The following LRP1B variants were observed in gnomAD, a reference collection of about 807,000 sequenced individuals.
LRP1B encodes LDL receptor related protein 1B, also known as low-density lipoprotein receptor-related protein 1B.
In LRP1B, 217 loss-of-function variants were observed where a neutral mutation model predicts 556.6. The ratio of observed to expected loss-of-function variants is 0.39; its 90% confidence interval spans 0.35 to 0.44. The LOEUF (loss-of-function observed/expected upper bound fraction) is 0.44, where lower values mean the gene tolerates loss of function less well. Among genes scored for constraint, LRP1B ranks in the 20% least tolerant of loss-of-function variants. The probability of loss-of-function intolerance (pLI) is 1.00; values close to 1 mark genes in which losing one functional copy is unlikely to be tolerated. For missense variants in LRP1B, 5,053 were observed against 5,620.8 expected, an observed-to-expected ratio of 0.90 and a Z score of 3.23; for synonymous variants, 2,047 against 1,865.8, an observed-to-expected ratio of 1.10 and a Z score of -2.50.
chr2:141,703,374 C>T (rs1457078147), intron 2 of LRP1B, among the ~76,000 whole-genome samples: 3 of 151,880 alleles, frequency 2.0e-5, no homozygotes, highest in Non-Finnish European at 4.4e-5. Flanking sequence ...AATTAAAAGG[C>T]AATGGTTAAT....
Position 140,373,121 on chromosome 2 carries a change from C to T in LRP1B, c.10655G>A (p.Ser3552Asn). Reference protein sequence around the residue: ...DGSDERNCETSCSKDQFRCSN... With the variant: ...DGSDERNCETNCSKDQFRCSN... ...ACACCGGAACTGATCTTTGGAACAA[C>T]TTGTCTCACAATTTCTCTATGAAAA... The change falls in exon 69 of 91, where the codon AGT (serine) becomes AAT (asparagine). Residue 3552 changes from serine (S) to asparagine (N), a missense_variant. Ser to Asn is a conservative substitution (Grantham distance 46). Around this residue, in one of 5 missense-constraint regions of LRP1B, gnomAD observed 599 missense variants for 648.4 expected, o/e 0.92. Transcript: ENST00000389484. 6.2e-7 allele frequency: 1 copy of T among 1,613,026 alleles called. No individual in the cohort carries two copies. Among genetic ancestry groups the T allele is most frequent in the Non-Finnish European group, 8.5e-7 (1 of 1,179,416 alleles).
intron 23 of LRP1B, among the ~76,000 whole-genome samples, chr2:140,891,824 A>T (rs1223237117): frequency 6.6e-6 from 1 of 152,130 alleles, no homozygotes. Flanking sequence ...GTCTCTTGAC[A>T]TTTTTTTAAG....
At chr2:141,873,424 A>G (rs1698652821) in intron 1 of LRP1B, among the ~76,000 whole-genome samples, 4 of 152,054 alleles carry the variant, frequency 2.6e-5, no homozygotes, top group Admixed American at 2.6e-4. Context: ...CAAATGAGGT[A>G]AAAGCATTGC....
chr2:140,408,220 G>A (rs113102165), intron 66 of LRP1B, among the ~76,000 whole-genome samples: 1,796 of 151,636 alleles, frequency 0.012, 39 homozygotes, highest in African/African-American at 0.042. Context: ...CTACATATAG[G>A]GTACAGTGTA....
chr2:142,072,048 A>G (rs74841354), intron 1 of LRP1B, among the ~76,000 whole-genome samples: 1 of 152,062 alleles, frequency 6.6e-6, no homozygotes, highest in East Asian at 1.9e-4. Context: ...ATGCCCGAAT[A>G]AGTACTGACA....
chr2:140,866,408 T>G (rs1692952357), intron 27 of LRP1B, among the ~76,000 whole-genome samples: 4 of 152,216 alleles, frequency 2.6e-5, no homozygotes, highest in South Asian at 4.1e-4. Context: ...CAAAAATGAC[T>G]AATCTATATA....
At chr2:141,587,634 C>T (rs1382704432) in intron 2 of LRP1B, among the ~76,000 whole-genome samples, 1 of 152,138 alleles carries the variant, frequency 6.6e-6, no homozygotes, top group Non-Finnish European at 1.5e-5. Context: ...AAAATGCCTC[C>T]ACATTCTTCT....
At chr2:141,911,906 T>G (rs1458240213) in intron 1 of LRP1B, among the ~76,000 whole-genome samples, 3 of 152,082 alleles carry the variant, frequency 2.0e-5, no homozygotes, top group Non-Finnish European at 2.9e-5. Context: ...AATTTTTCCT[T>G]GATTGGCTCC....
At chr2:141,083,817 G>A (rs1193063565) in intron 7 of LRP1B, among the ~76,000 whole-genome samples, 6 of 152,020 alleles carry the variant, frequency 3.9e-5, no homozygotes, top group Non-Finnish European at 8.8e-5. Context: ...TTGGCAAGAG[G>A]GCCCTCACCA....
rs182175754 is a variant in LRP1B at position 141,397,785 on chromosome 2, A to G, written c.343+82611T>C. On this transcript the variant is annotated intron_variant, in intron 3 of 90. Transcript: ENST00000389484. ...AGGCTGGTGGTAAAAATTTATATGT[A>G]TATATACATTTTTATATACAATTAT... is the stretch of plus-strand genomic sequence containing the variant. Among the ~76,000 whole-genome samples the G allele has an allele frequency of 2.5e-3, 372 of 150,912 alleles. 2 individuals carry two copies. Among genetic ancestry groups the G allele is most frequent in the South Asian group, 4.2e-3 (20 of 4,812 alleles).
chr2:141,732,925 G>A (rs1693328760), intron 2 of LRP1B, among the ~76,000 whole-genome samples: 5 of 152,048 alleles, frequency 3.3e-5, no homozygotes, highest in Admixed American at 3.3e-4. Flanking sequence ...AAATGTCAAA[G>A]TGAGGAATCT....
chr2:140,731,758 C>T (rs147370330), intron 35 of LRP1B, among the ~76,000 whole-genome samples: 1 of 97,874 alleles, frequency 1.0e-5, no homozygotes, highest in East Asian at 3.4e-4. Flanking sequence ...CAGAGTGAGA[C>T]TCCGTCAAAA....
At chr2:140,722,382 C>T (rs570858141) in intron 35 of LRP1B, among the ~76,000 whole-genome samples, 1 of 152,178 alleles carries the variant, frequency 6.6e-6, no homozygotes, top group East Asian at 1.9e-4. Context: ...ATGAGTGATA[C>T]CTTTAGTAGA....
intron 1 of LRP1B, among the ~76,000 whole-genome samples, chr2:142,044,157 A>G (rs922670761): frequency 3.3e-5 from 5 of 151,780 alleles, no homozygotes; most frequent in Non-Finnish European, 7.4e-5. Context: ...AGAACTTGAC[A>G]AATGAGTAAT....
chr2:140,810,802 T>A (rs1291378918), intron 32 of LRP1B, among the ~76,000 whole-genome samples: 1 of 152,160 alleles, frequency 6.6e-6, no homozygotes, highest in Non-Finnish European at 1.5e-5. Context: ...AATGGTGCAA[T>A]CTCGGCTCAC....
chr2:141,465,457 A>G (rs1682151397), intron 3 of LRP1B, among the ~76,000 whole-genome samples: 1 of 152,114 alleles, frequency 6.6e-6, no homozygotes, highest in Non-Finnish European at 1.5e-5. Flanking sequence ...CTCAGGCCGC[A>G]GGTAGCCCTC....
chr2:140,607,665 G>A (rs895305975), intron 41 of LRP1B, among the ~76,000 whole-genome samples: 3 of 151,252 alleles, frequency 2.0e-5, no homozygotes, highest in East Asian at 2.0e-4. Context: ...ACACATAGAC[G>A]TGTGTGTGTA....
intron 2 of LRP1B, among the ~76,000 whole-genome samples, chr2:141,764,575 C>CAAGCCAAAA (rs1440248436): frequency 6.6e-6 from 1 of 152,142 alleles, no homozygotes; most frequent in East Asian, 1.9e-4. Context: ...AGCAAGAACA[C>CAAGCCAAAA]AGCCCTCTAC....
intron 1 of LRP1B, among the ~76,000 whole-genome samples, chr2:141,963,276 T>C (rs1241090104): frequency 6.6e-6 from 1 of 151,844 alleles, no homozygotes; most frequent in Non-Finnish European, 1.5e-5. Flanking sequence ...TCTTTGGAGG[T>C]GTGCTGGAAT....
Sources: gnomAD v4.1 joint callset for allele counts (sites outside exome capture counted in the v4.1 genomes callset) on GRCh38, gnomAD v4.1.1 for gene constraint, gnomAD v4.1.1 regional missense constraint, MANE v1.5 for transcripts, NCBI Gene and HGNC (gene_info 2026-07-23, HGNC 2026-07-21) for gene names.